TRPC4AP: variants seen among roughly 807,000 people sequenced by gnomAD.
The protein encoded by TRPC4AP is short transient receptor potential channel 4-associated protein.
Under a neutral mutation model 99.0 loss-of-function variants are expected in TRPC4AP, and 45 were observed. That is an observed-to-expected ratio of 0.45 (90% CI 0.36 to 0.58). The LOEUF is 0.58. Among genes scored for constraint, TRPC4AP ranks in the 20% least tolerant of loss-of-function variants. The probability of loss-of-function intolerance (pLI) is 0.00; values close to 1 mark genes in which losing one functional copy is unlikely to be tolerated. For synonymous variants in TRPC4AP, 408 were observed against 385.8 expected (o/e 1.06, Z -0.67); for missense variants, 879 against 985.3 (o/e 0.89, Z 1.44).
intron 7 of TRPC4AP, among the ~76,000 whole-genome samples, chr20:35,037,962 CAGA>C (rs1308960662): frequency 2.0e-5 from 3 of 151,900 alleles, no homozygotes. Context: ...CTGCATTTCT[CAGA>C]AGGATAGAGA....
chr20:35,049,186 C>G (rs889538313), intron 6 of TRPC4AP, among the ~76,000 whole-genome samples: 1 of 151,670 alleles, frequency 6.6e-6, no homozygotes, highest in African/African-American at 2.4e-5. Flanking sequence ...TAACAGAGAT[C>G]TATGAATGTA....
At chr20:35,087,985 T>G (rs1200156249) in intron 1 of TRPC4AP, among the ~76,000 whole-genome samples, 1 of 152,178 alleles carries the variant, frequency 6.6e-6, no homozygotes. Flanking sequence ...AGATGCCCAT[T>G]AGACATCAAA....
In TRPC4AP at chr20:35,003,287, G is replaced by C. The variant is rs1321199405; in HGVS notation, c.2257-4C>G. 6.2e-7 allele frequency: 1 copy of C among 1,613,286 alleles called. No homozygotes were observed. Among genetic ancestry groups the C allele is most frequent in the African/African-American group, 1.3e-5 (1 of 74,798 alleles). ...ATGAGAAGCTGATGCAGGAGCTCTG[G>C]GCAAAGAGGGAGGGGCTGGGGGGCG... On this transcript the variant is annotated splice_polypyrimidine_tract_variant and splice_region_variant and intron_variant, in intron 18 of 18. Coordinates refer to ENST00000252015, the MANE Select transcript of TRPC4AP (RefSeq NM_015638.3).
At chr20:35,026,732 G>T (rs1600538450) in intron 8 of TRPC4AP, among the ~76,000 whole-genome samples, 1 of 152,026 alleles carries the variant, frequency 6.6e-6, no homozygotes, top group Non-Finnish European at 1.5e-5. Context: ...TTTATTTAGG[G>T]TTTAATTTCT....
At chr20:35,081,084 T>C (rs1416420540) in intron 1 of TRPC4AP, among the ~76,000 whole-genome samples, 1 of 152,002 alleles carries the variant, frequency 6.6e-6, no homozygotes, top group Non-Finnish European at 1.5e-5. Flanking sequence ...GTTTAAGAAA[T>C]ATTTAAAAGA....
Position 35,086,117 on chromosome 20 carries a change from C to T in TRPC4AP, c.168+6497G>A, listed in dbSNP as rs553433530. On this transcript the variant is annotated intron_variant, in intron 1 of 18. Coordinates refer to ENST00000252015, the MANE Select transcript of TRPC4AP (RefSeq NM_015638.3). ...GATTACAGGCACGCACCACCACGCC[C>T]GGATAATTTTTTGTATTTTTAGTAA... 2.4e-3 allele frequency among the ~76,000 whole-genome samples: 365 copies of T among 151,374 alleles called. 3 individuals carry two copies. Among genetic ancestry groups the T allele is most frequent in the Middle Eastern group, 6.8e-3 (2 of 294 alleles).
chr20:35,052,541 G>A (rs530086005), intron 5 of TRPC4AP, among the ~76,000 whole-genome samples: 1 of 152,088 alleles, frequency 6.6e-6, no homozygotes, highest in Non-Finnish European at 1.5e-5. Context: ...TGTCACCCAC[G>A]CTGGAGTGCA....
intron 8 of TRPC4AP, among the ~76,000 whole-genome samples, chr20:35,032,062 G>C (rs1321302973): frequency 2.0e-5 from 3 of 151,394 alleles, no homozygotes; most frequent in Non-Finnish European, 4.4e-5. Flanking sequence ...TCTAGCTTTT[G>C]TATTTTTAAT....
chr20:35,030,669 T>C (rs76223987), intron 8 of TRPC4AP, among the ~76,000 whole-genome samples: 12,571 of 152,264 alleles, frequency 0.083, 607 homozygotes, highest in South Asian at 0.13. Context: ...AGTTGCAATT[T>C]GGTGTCATGA....
rs1207944725 is a variant in TRPC4AP, at chr20:35,086,118, G to A, written c.168+6496C>T. ...ATTACAGGCACGCACCACCACGCCCGGATAATTTTTTGTATTTTTAGTAAA... is the reference window on the plus strand; with the variant it reads ...ATTACAGGCACGCACCACCACGCCCAGATAATTTTTTGTATTTTTAGTAAA... On this transcript the variant is annotated intron_variant, in intron 1 of 18. Coordinates refer to ENST00000252015, the MANE Select transcript of TRPC4AP (RefSeq NM_015638.3). 5.9e-5 allele frequency among the ~76,000 whole-genome samples: 8 copies of A among 136,226 alleles called. No individual in the cohort carries two copies. In the East Asian group the frequency reaches 7.4e-4, roughly 13 times the overall value. The allele number at this position is 136,226 out of a possible 152,430, so 89.4% of individuals were successfully genotyped here. A position where few individuals can be genotyped will look rare whatever the true frequency, so the allele number is the denominator to read the frequency against.
chr20:35,060,220 T>C (rs116997506), intron 3 of TRPC4AP, among the ~76,000 whole-genome samples: 111 of 152,168 alleles, frequency 7.3e-4, no homozygotes, highest in Non-Finnish European at 1.1e-3. Context: ...ACAAGAAAAC[T>C]ACAGATGAGT....
chr20:35,059,900 GAAGACGAAGACGAAGA>G (rs1190017874), intron 3 of TRPC4AP, among the ~76,000 whole-genome samples: 1 of 46,744 alleles, frequency 2.1e-5, no homozygotes, highest in African/African-American at 4.8e-5. Context: ...TGAAGATGAA[GAAGACGAAGACGAAGA>G]AGACAAAGAC....
intron 1 of TRPC4AP, among the ~76,000 whole-genome samples, chr20:35,082,860 T>C (rs1415989951): frequency 6.6e-6 from 1 of 152,194 alleles, no homozygotes; most frequent in Non-Finnish European, 1.5e-5. Context: ...CCATTCATGA[T>C]AAACTCAAAT....
chr20:35,029,673 T>TC (rs1342000086), intron 8 of TRPC4AP, among the ~76,000 whole-genome samples: 2 of 127,332 alleles, frequency 1.6e-5, no homozygotes, highest in Non-Finnish European at 3.2e-5. Flanking sequence ...TCTCGCTCTG[T>TC]CACCCAGGCT....
chr20:35,072,230 T>G (rs1167248538), intron 2 of TRPC4AP, among the ~76,000 whole-genome samples: 1 of 152,230 alleles, frequency 6.6e-6, no homozygotes, highest in Middle Eastern at 3.2e-3. Context: ...ATTCCGTAGG[T>G]TGCCTGTTCA....
chr20:35,007,772 G>A, intron 13 of TRPC4AP, 132 bp from the exon 14 acceptor site: 1 of 912,500 alleles, frequency 1.1e-6, no homozygotes, highest in African/African-American at 1.6e-5. Flanking sequence ...CCAAGCATCA[G>A]GCTTCATCCT....
chr20:35,078,130 C>T lies in TRPC4AP; in HGVS notation c.213G>A (p.Trp71Ter). The change falls in exon 2 of 19, where the codon TGG (tryptophan) becomes TGA (stop). Residue 71 changes from tryptophan to a stop codon, truncating the protein, a stop_gained. Coordinates refer to ENST00000252015, the MANE Select transcript of TRPC4AP (RefSeq NM_015638.3). LOFTEE classifies it high-confidence loss of function. Reference protein sequence around the residue: ...FLTERDKQSKWSGIPQLLLKL... With the variant: ...FLTERDKQSK ...TGAGGAGCAGCTGAGGAATTCCACT[C>T]CACTTGGATTGTTTGTCCCTCTCCG... 1 of 1,614,008 alleles carries T rather than the reference C, an allele frequency of 6.2e-7. No individual in the cohort carries two copies. The highest frequency in any genetic ancestry group is 8.5e-7 in the Non-Finnish European group (1 of 1,179,964).
chr20:35,014,378 C>T (rs559821655), intron 10 of TRPC4AP, among the ~76,000 whole-genome samples: 2 of 130,760 alleles, frequency 1.5e-5, no homozygotes, highest in Admixed American at 1.8e-4. Context: ...AGTGCAGTGG[C>T]GTGATCTCAG....
intron 1 of TRPC4AP, among the ~76,000 whole-genome samples, chr20:35,084,642 ATG>A (rs202109042): frequency 9.5e-5 from 9 of 94,966 alleles, no homozygotes; most frequent in African/African-American, 2.1e-4. Flanking sequence ...GTGTATATGT[ATG>A]TATGTTTATA....
Sources: gnomAD v4.1 joint callset for allele counts (sites outside exome capture counted in the v4.1 genomes callset) on GRCh38, gnomAD v4.1.1 for gene constraint, MANE v1.5 for transcripts, NCBI Gene and HGNC (gene_info 2026-07-23, HGNC 2026-07-21) for gene names.